The following DNER variants were observed in gnomAD, a reference collection of about 807,000 sequenced individuals.
The protein encoded by DNER is delta and Notch-like epidermal growth factor-related receptor.
DNER carries 33 observed loss-of-function variants against 78.2 expected under a neutral mutation model. That is an observed-to-expected ratio of 0.42 (90% CI 0.32 to 0.56). The LOEUF is 0.56. Among genes scored for constraint, DNER ranks in the 20% least tolerant of loss-of-function variants. The pLI, the probability that DNER is intolerant of heterozygous loss-of-function variation, is 0.11. For missense variants in DNER, 918 were observed against 975.3 expected, an observed-to-expected ratio of 0.94 and a Z score of 0.78; for synonymous variants, 417 against 384.8, an observed-to-expected ratio of 1.08 and a Z score of -0.98.
At chr2:229,522,922 G>A (rs972070105) in intron 5 of DNER, among the ~76,000 whole-genome samples, 5 of 152,134 alleles carry the variant, frequency 3.3e-5, no homozygotes, top group Middle Eastern at 3.2e-3. Flanking sequence ...TTACCAATGA[G>A]GAAACAAATC....
At chr2:229,419,151 G>C (rs982424677) in intron 8 of DNER, among the ~76,000 whole-genome samples, 3 of 152,088 alleles carry the variant, frequency 2.0e-5, no homozygotes, top group Non-Finnish European at 4.4e-5. Context: ...AATCATGTGA[G>C]TGAAGAGAAA....
chr2:229,531,092 C>A (rs1696291900), intron 5 of DNER, among the ~76,000 whole-genome samples: 1 of 152,116 alleles, frequency 6.6e-6, no homozygotes, highest in African/African-American at 2.4e-5. Flanking sequence ...TAGAAACAAT[C>A]CAAACTTCTA....
At position 229,512,884 on chromosome 2, in the gene DNER, T is replaced by G. The variant is rs779246523; in HGVS notation, c.1046A>C (p.Glu349Ala). The G allele has an allele frequency of 1.2e-6, 2 of 1,614,130 alleles. No homozygotes were observed. Among genetic ancestry groups the G allele is most frequent in the East Asian group, 4.5e-5 (2 of 44,874 alleles). ...EEQYVGTFCE[E>A]YDACQRKPCQ... ...AGGTTTCCTCTGGCAAGCATCGTAT[T>G]CTTCACAGAAAGTACCCACGTACTG... is the stretch of plus-strand genomic sequence containing the variant. The change falls in exon 6 of 13, where the codon GAA becomes GCA. Residue 349 changes from glutamate (E) to alanine (A), a missense_variant. By Grantham distance (107) the Glu-to-Ala change is moderately radical. Coordinates refer to ENST00000341772, the MANE Select transcript of DNER (RefSeq NM_139072.4).
At chr2:229,567,537 G>A (rs1453321440) in intron 4 of DNER, among the ~76,000 whole-genome samples, 1 of 152,184 alleles carries the variant, frequency 6.6e-6, no homozygotes, top group East Asian at 1.9e-4. Flanking sequence ...AGAACCAACT[G>A]GCTAACGGCT....
At chr2:229,374,612 A>T (rs1692558809) in intron 11 of DNER, among the ~76,000 whole-genome samples, 1 of 152,190 alleles carries the variant, frequency 6.6e-6, no homozygotes, top group East Asian at 1.9e-4. Flanking sequence ...CATTTTATAT[A>T]GGAAGCAACT....
chr2:229,622,481 G>A (rs1226960572), intron 1 of DNER, among the ~76,000 whole-genome samples: 3 of 151,956 alleles, frequency 2.0e-5, no homozygotes, highest in Non-Finnish European at 4.4e-5. Context: ...TCTGCCCTGC[G>A]GGTCTTTGAA....
At chr2:229,374,911 A>G (rs1481339811) in intron 11 of DNER, among the ~76,000 whole-genome samples, 1 of 152,238 alleles carries the variant, frequency 6.6e-6, no homozygotes, top group African/African-American at 2.4e-5. Flanking sequence ...GTCAAGATGT[A>G]AAACATACTA....
In DNER at chr2:229,407,195, T is replaced by C. The variant is rs544009800; in HGVS notation, c.1723+37A>G. Reference sequence around the variant, plus strand: ...AACATCTGCAATCTCGGGCACTTTGTGGTAAATTTGAAAACTCAGTCCCTG... The same window carrying C: ...AACATCTGCAATCTCGGGCACTTTGCGGTAAATTTGAAAACTCAGTCCCTG... On this transcript the variant is annotated intron_variant, in intron 10 of 12. Coordinates refer to ENST00000341772, the MANE Select transcript of DNER (RefSeq NM_139072.4). 3.5e-4 allele frequency: 545 copies of C among 1,571,018 alleles called. 6 individuals are homozygous for C. In the South Asian group the frequency reaches 5.7e-3, roughly 16 times the overall value.
chr2:229,635,385 A>AAAAAT (rs1553547034), intron 1 of DNER, among the ~76,000 whole-genome samples: 1 of 145,756 alleles, frequency 6.9e-6, no homozygotes, highest in Non-Finnish European at 1.5e-5. Context: ...AAAAAAAAAA[A>AAAAAT]CTCCCATATT....
chr2:229,641,205 C>T (rs564422741), intron 1 of DNER, among the ~76,000 whole-genome samples: 3 of 152,196 alleles, frequency 2.0e-5, no homozygotes, highest in South Asian at 2.1e-4. Flanking sequence ...AACACGCAGT[C>T]GTGAGCAAGG....
chr2:229,502,003 A>G (rs1007342362), intron 6 of DNER, among the ~76,000 whole-genome samples: 2 of 152,212 alleles, frequency 1.3e-5, no homozygotes, highest in African/African-American at 4.8e-5. Flanking sequence ...TGATCTGCTC[A>G]GTGGGCTGAA....
intron 11 of DNER, among the ~76,000 whole-genome samples, chr2:229,387,527 G>A (rs1438998599): frequency 7.9e-6 from 1 of 126,598 alleles, no homozygotes; most frequent in South Asian, 2.5e-4. Flanking sequence ...AAGAAAGAAA[G>A]AAAGAAAGAA....
At chr2:229,523,438 T>A (rs574425174) in intron 5 of DNER, among the ~76,000 whole-genome samples, 1 of 152,336 alleles carries the variant, frequency 6.6e-6, no homozygotes, top group African/African-American at 2.4e-5. Flanking sequence ...GGTTTGCCCG[T>A]GGCCATCTCC....
intron 4 of DNER, among the ~76,000 whole-genome samples, chr2:229,559,924 C>T (rs1292868380): frequency 2.0e-5 from 3 of 152,198 alleles, no homozygotes; most frequent in Non-Finnish European, 2.9e-5. Flanking sequence ...CCAAGCTGTG[C>T]TCATTAGGAT....
chr2:229,359,697 C>T (rs1158773125), intron 12 of DNER, among the ~76,000 whole-genome samples: 3 of 152,050 alleles, frequency 2.0e-5, no homozygotes, highest in Non-Finnish European at 4.4e-5. Context: ...CTATTTTTTC[C>T]TTTGATATGT....
At chr2:229,493,476 C>G (rs1429104099) in intron 6 of DNER, among the ~76,000 whole-genome samples, 1 of 152,156 alleles carries the variant, frequency 6.6e-6, no homozygotes, top group Non-Finnish European at 1.5e-5. Flanking sequence ...AGGCACAGGG[C>G]TTGGCACTGA....
At chr2:229,515,026 TA>T (rs1553536807) in intron 5 of DNER, among the ~76,000 whole-genome samples, 1 of 151,860 alleles carries the variant, frequency 6.6e-6, no homozygotes, top group African/African-American at 2.4e-5. Flanking sequence ...TAATTTTTTT[TA>T]AAAAAATCCT....
At chr2:229,389,291 A>T (rs1692965781) in intron 10 of DNER, among the ~76,000 whole-genome samples, 2 of 151,722 alleles carry the variant, frequency 1.3e-5, no homozygotes, top group Non-Finnish European at 2.9e-5. Context: ...CGGTGATTCA[A>T]ACACCACCTT....
chr2:229,509,802 C>T (rs978993878), intron 6 of DNER, among the ~76,000 whole-genome samples: 1 of 152,084 alleles, frequency 6.6e-6, no homozygotes, highest in Non-Finnish European at 1.5e-5. Flanking sequence ...GCAACAAGAG[C>T]AAGACTCTGT....
Sources: allele counts gnomAD v4.1 joint callset (sites outside exome capture counted in the v4.1 genomes callset), GRCh38; gene constraint gnomAD v4.1.1; transcripts MANE v1.5; gene names NCBI Gene and HGNC (gene_info 2026-07-23, HGNC 2026-07-21).